The following PIP5K1B variants were observed in gnomAD, a reference collection of about 807,000 sequenced individuals.
The protein encoded by PIP5K1B is phosphatidylinositol 4-phosphate 5-kinase type-1 beta.
PIP5K1B carries 42 observed loss-of-function variants against 67.0 expected under a neutral mutation model. The observed-to-expected ratio is 0.63, with a 90% CI of 0.49 to 0.81. PIP5K1B has a LOEUF of 0.81. Ranked by LOEUF, PIP5K1B falls within the 30% of genes least tolerant of loss-of-function variation. The pLI is 0.00. For synonymous variants in PIP5K1B, 214 were observed against 231.4 expected, an observed-to-expected ratio of 0.92 and a Z score of 0.68; for missense variants, 459 against 646.3, an observed-to-expected ratio of 0.71 and a Z score of 3.14.
At chr9:68,784,732 A>G (rs1831515813) in intron 2 of PIP5K1B, 2 of 156,354 alleles carry the variant, frequency 1.3e-5, no homozygotes, top group South Asian at 4.1e-4. Flanking sequence ...GATGATGATC[A>G]TTTCTTGAGT....
rs540869491 is a variant in PIP5K1B, at chr9:68,913,855, CTT to C, written c.772-3692_772-3691del. Among the ~76,000 whole-genome samples, 429 of 151,796 alleles carry C rather than the reference CTT, an allele frequency of 2.8e-3. 1 individual carries two copies. The highest frequency in any genetic ancestry group is 5.1e-3 in the Non-Finnish European group (347 of 67,982). ...TCACTTTTTCAAAAGTTAATTCTCT[CTT>C]GGAATTTATTCTTTAAAAAAAAAAA... On this transcript the variant is annotated intron_variant, in intron 8 of 15. Transcript: ENST00000265382.
Position 68,784,964 on chromosome 9 carries a change from A to G in PIP5K1B, c.-85-33497A>G, listed in dbSNP as rs74548904. Reference sequence around the variant, plus strand: ...CCAATTATTGAGGAATCTAAGATACATGAGGATAGGGACAGGAGATCATTT... The same window carrying G: ...CCAATTATTGAGGAATCTAAGATACGTGAGGATAGGGACAGGAGATCATTT... On this transcript the variant is annotated intron_variant, in intron 2 of 15. Coordinates refer to ENST00000265382, the MANE Select transcript of PIP5K1B (RefSeq NM_003558.4). Among the ~76,000 whole-genome samples the G allele has an allele frequency of 2.4e-3, 367 of 152,292 alleles. 5 individuals carry two copies. The East Asian group carries it at 0.053, about 22-fold the overall frequency.
intron 2 of PIP5K1B, among the ~76,000 whole-genome samples, chr9:68,747,923 T>C (rs944576765): frequency 1.3e-5 from 2 of 152,210 alleles, no homozygotes; most frequent in African/African-American, 4.8e-5. Flanking sequence ...GTAAAACTTA[T>C]AGAACATAAA....
chr9:68,714,328 C>T (rs1366651144), intron 1 of PIP5K1B, among the ~76,000 whole-genome samples: 1 of 152,180 alleles, frequency 6.6e-6, no homozygotes, highest in East Asian at 1.9e-4. Context: ...CCATCCTTGG[C>T]TCCACCCTCT....
In PIP5K1B at chr9:68,924,110, T is replaced by TAAA. The variant is rs71500336; in HGVS notation, c.1201+741_1201+743dup. 2.1e-3 allele frequency among the ~76,000 whole-genome samples: 262 copies of TAAA among 125,852 alleles called. 2 individuals carry two copies. Among genetic ancestry groups the TAAA allele is most frequent in the African/African-American group, 6.8e-3 (233 of 34,128 alleles). The allele number at this position is 125,852 out of a possible 152,430, so 82.6% of individuals were successfully genotyped here. On this transcript the variant is annotated intron_variant, in intron 12 of 15. Transcript: ENST00000265382. ...ATTTATAGCTATAAACTCTTACCTT[T>TAAA]AAAAAAAAAAAAAAAAAAAGGAGGC...
At chr9:68,774,060 C>A (rs79788650) in intron 2 of PIP5K1B, among the ~76,000 whole-genome samples, 3,858 of 151,970 alleles carry the variant, frequency 0.025, 65 homozygotes, top group East Asian at 0.067. Flanking sequence ...GGCAACAGAG[C>A]CGACTTTGCT....
chr9:68,993,042 G>T (rs11144693), intron 15 of PIP5K1B, among the ~76,000 whole-genome samples: 2 of 151,686 alleles, frequency 1.3e-5, no homozygotes, highest in African/African-American at 4.8e-5. Context: ...GGCGCCTGTA[G>T]TCCCAGCTAC....
intron 2 of PIP5K1B, among the ~76,000 whole-genome samples, chr9:68,785,050 G>A (rs1250198952): frequency 1.3e-5 from 2 of 152,124 alleles, no homozygotes; most frequent in Non-Finnish European, 2.9e-5. Context: ...AGTAAGTTAA[G>A]GACAAGTAGA....
chr9:68,950,777 T>A (rs1339835038), intron 14 of PIP5K1B, among the ~76,000 whole-genome samples: 1 of 152,214 alleles, frequency 6.6e-6, no homozygotes, highest in Non-Finnish European at 1.5e-5. Context: ...AAGTAGAAAG[T>A]TGGTCCCGAC....
chr9:68,781,412 T>A (rs1454963509), intron 2 of PIP5K1B: 1 of 185,686 alleles, frequency 5.4e-6, no homozygotes, highest in African/African-American at 2.4e-5. Context: ...TGTTTAAAAT[T>A]CCATACTTCA....
chr9:68,856,948 T>C (rs532019805), intron 4 of PIP5K1B, among the ~76,000 whole-genome samples: 27 of 152,276 alleles, frequency 1.8e-4, no homozygotes, highest in African/African-American at 6.3e-4. Context: ...GTTAAAGATT[T>C]TGAGATAGGG....
intron 8 of PIP5K1B, among the ~76,000 whole-genome samples, chr9:68,910,999 G>A (rs942566397): frequency 6.6e-6 from 1 of 152,218 alleles, no homozygotes; most frequent in African/African-American, 2.4e-5. Flanking sequence ...ACCAAGCAGT[G>A]GTGAGAGACT....
intron 2 of PIP5K1B, among the ~76,000 whole-genome samples, chr9:68,814,951 G>T (rs1445620962): frequency 6.6e-6 from 1 of 152,006 alleles, no homozygotes; most frequent in Non-Finnish European, 1.5e-5. Flanking sequence ...TCTATAGAAG[G>T]TTTACAAAAA....
chr9:68,816,847 G>A (rs1833473149), intron 2 of PIP5K1B, among the ~76,000 whole-genome samples: 1 of 152,136 alleles, frequency 6.6e-6, no homozygotes, highest in African/African-American at 2.4e-5. Flanking sequence ...TCAGGTTAGG[G>A]GGAGCTCTCT....
chr9:68,788,699 C>A, intron 2 of PIP5K1B: 1 of 254,300 alleles, frequency 3.9e-6, no homozygotes. Flanking sequence ...GTCGTGGAGT[C>A]AGGCTCACGT....
chr9:68,735,556 T>C (rs757465944), intron 1 of PIP5K1B, among the ~76,000 whole-genome samples: 2 of 151,950 alleles, frequency 1.3e-5, no homozygotes, highest in African/African-American at 4.8e-5. Context: ...GCCCAGCTAA[T>C]GTTTTGTATT....
intron 4 of PIP5K1B, among the ~76,000 whole-genome samples, chr9:68,823,534 T>G (rs1833834608): frequency 6.6e-6 from 1 of 152,210 alleles, no homozygotes; most frequent in South Asian, 2.1e-4. Flanking sequence ...ACAAAAAGTC[T>G]TTTTCCAGAC....
At chr9:68,912,261 C>T (rs1330337245) in intron 8 of PIP5K1B, among the ~76,000 whole-genome samples, 5 of 152,158 alleles carry the variant, frequency 3.3e-5, no homozygotes. Flanking sequence ...CCCTGAAGAT[C>T]CATCAACTTC....
intron 1 of PIP5K1B, among the ~76,000 whole-genome samples, chr9:68,720,907 A>G (rs1827850235): frequency 6.6e-6 from 1 of 152,238 alleles, no homozygotes; most frequent in South Asian, 2.1e-4. Context: ...ACTGTTGATC[A>G]TTGTCATCAT....
Sources: gnomAD v4.1 joint callset for allele counts (sites outside exome capture counted in the v4.1 genomes callset) on GRCh38, gnomAD v4.1.1 for gene constraint, MANE v1.5 for transcripts, NCBI Gene and HGNC (gene_info 2026-07-23, HGNC 2026-07-21) for gene names.